The following ROBO2 variants were observed in gnomAD, a reference collection of about 807,000 sequenced individuals.
ROBO2 encodes the protein roundabout homolog 2.
A neutral mutation model predicts 160.8 loss-of-function variants in ROBO2; 53 were observed. That is an observed-to-expected ratio of 0.33 (90% CI 0.26 to 0.41). The LOEUF is 0.41. Ranked by LOEUF, ROBO2 falls within the 10% of genes least tolerant of loss-of-function variation. The probability of loss-of-function intolerance (pLI) is 1.00; values close to 1 mark genes in which losing one functional copy is unlikely to be tolerated. For synonymous variants in ROBO2, 664 were observed against 611.7 expected, an observed-to-expected ratio of 1.09 and a Z score of -1.26; for missense variants, 1,577 against 1,722.4, an observed-to-expected ratio of 0.92 and a Z score of 1.49.
intron 2 of ROBO2, among the ~76,000 whole-genome samples, chr3:76,577,088 C>A (rs985266388): frequency 6.6e-6 from 1 of 152,072 alleles, no homozygotes; most frequent in African/African-American, 2.4e-5. Flanking sequence ...GGGCAGATCT[C>A]TCCTGGCTGG....
intron 2 of ROBO2, among the ~76,000 whole-genome samples, chr3:76,138,964 G>A (rs1477276675): frequency 6.6e-6 from 1 of 152,100 alleles, no homozygotes; most frequent in East Asian, 1.9e-4. Flanking sequence ...TATGGAATTT[G>A]CTCCAAGAAT....
At chr3:76,669,024 G>A (rs67360455) in intron 2 of ROBO2, among the ~76,000 whole-genome samples, 1 of 151,804 alleles carries the variant, frequency 6.6e-6, no homozygotes, top group Non-Finnish European at 1.5e-5. Context: ...GCGAGAGAGG[G>A]GCATGCTTCT....
intron 2 of ROBO2, among the ~76,000 whole-genome samples, chr3:77,021,845 C>T (rs1477948928): frequency 1.3e-5 from 2 of 152,124 alleles, no homozygotes; most frequent in African/African-American, 2.4e-5. Flanking sequence ...TTGTCTTCTG[C>T]CTTCCACTGT....
intron 2 of ROBO2, among the ~76,000 whole-genome samples, chr3:77,235,413 C>T (rs983412148): frequency 8.7e-5 from 13 of 149,676 alleles, no homozygotes; most frequent in Admixed American, 5.4e-4. Flanking sequence ...AGTGCAGTGG[C>T]GCGATCTCGA....
intron 2 of ROBO2, among the ~76,000 whole-genome samples, chr3:76,679,944 G>T (rs1008651390): frequency 6.6e-6 from 1 of 152,026 alleles, no homozygotes; most frequent in African/African-American, 2.4e-5. Flanking sequence ...AGAGCCATTG[G>T]GATTAGAGAT....
intron 2 of ROBO2, among the ~76,000 whole-genome samples, chr3:76,120,402 A>G (rs1383247240): frequency 6.6e-6 from 1 of 152,288 alleles, no homozygotes; most frequent in African/African-American, 2.4e-5. Flanking sequence ...AGTAATACTT[A>G]CTTACTCTAC....
chr3:77,442,855 A>G (rs1024425229), intron 2 of ROBO2, among the ~76,000 whole-genome samples: 3 of 152,216 alleles, frequency 2.0e-5, no homozygotes, highest in African/African-American at 7.2e-5. Flanking sequence ...TGCAAGCCTT[A>G]CAGTGCTATA....
chr3:77,258,287 A>G lies in ROBO2; in HGVS notation c.388+159947A>G, dbSNP rs189124191. Among the ~76,000 whole-genome samples the G allele has an allele frequency of 9.2e-5, 14 of 152,368 alleles. No homozygotes were observed. The East Asian group carries it at 2.7e-3, about 29-fold the overall frequency. On this transcript the variant is annotated intron_variant, in intron 2 of 25. Transcript: ENST00000461745. ...AGCAAGATTACTGCTGGCTTAAGTT[A>G]TAACCAAAATAATGAGAAAATATAC...
chr3:76,958,153 C>G (rs1478696065), intron 2 of ROBO2, among the ~76,000 whole-genome samples: 1 of 152,186 alleles, frequency 6.6e-6, no homozygotes, highest in East Asian at 1.9e-4. Context: ...AGAGCTGCCT[C>G]GTTTCATTGC....
intron 2 of ROBO2, among the ~76,000 whole-genome samples, chr3:76,992,362 TATATA>T (rs1559812249): frequency 1.5e-5 from 1 of 68,758 alleles, no homozygotes; most frequent in African/African-American, 5.8e-5. Flanking sequence ...TATATATATA[TATATA>T]TAAATTTAGC....
At chr3:77,189,784 A>G (rs747803572) in intron 2 of ROBO2, among the ~76,000 whole-genome samples, 11 of 151,916 alleles carry the variant, frequency 7.2e-5, no homozygotes, top group Admixed American at 2.0e-4. Flanking sequence ...GTTAATATTT[A>G]TTGAATGCTT....
intron 2 of ROBO2, among the ~76,000 whole-genome samples, chr3:76,998,027 A>G (rs950323218): frequency 1.3e-5 from 2 of 152,144 alleles, no homozygotes; most frequent in Non-Finnish European, 2.9e-5. Flanking sequence ...AGAACAGTTC[A>G]ACATCACTTG....
At chr3:77,553,723 G>C (rs576370242) in intron 8 of ROBO2, among the ~76,000 whole-genome samples, 4 of 151,932 alleles carry the variant, frequency 2.6e-5, no homozygotes, top group Non-Finnish European at 4.4e-5. Context: ...CTAATCCAGA[G>C]CAAGGCCCTA....
In ROBO2 at chr3:76,892,979, C is replaced by G. The variant is rs565597354; in HGVS notation, c.110-205035C>G. 2.7e-4 allele frequency among the ~76,000 whole-genome samples: 41 copies of G among 152,278 alleles called. No individual in the cohort carries two copies. In the South Asian group the frequency reaches 8.3e-3, roughly 31 times the overall value. ...TTCAACCTACCTTCTTCTCTACCTG[C>G]CGATGTGGCCAACCTCCTACCTCAA... On this transcript the variant is annotated intron_variant, in intron 2 of 26. Coordinates refer to the ROBO2 transcript ENST00000487694.
At chr3:76,091,277 A>G (rs1482001014) in intron 2 of ROBO2, among the ~76,000 whole-genome samples, 2 of 152,222 alleles carry the variant, frequency 1.3e-5, no homozygotes. Context: ...AAAAGGCGTG[A>G]ACCGACACCT....
At chr3:76,899,105 G>A (rs2075035786) in intron 2 of ROBO2, among the ~76,000 whole-genome samples, 1 of 151,934 alleles carries the variant, frequency 6.6e-6, no homozygotes, top group Non-Finnish European at 1.5e-5. Context: ...TCTCCAAATG[G>A]AAAATCGCCT....
At chr3:77,039,403 G>T (rs767179904), upstream of ROBO2, among the ~76,000 whole-genome samples, 2 of 152,162 alleles carry the variant, frequency 1.3e-5, no homozygotes, top group East Asian at 3.9e-4. Context: ...AAGAAAGCGC[G>T]TGCAGCTCCG....
At chr3:75,959,669 AT>A (rs1948842921) in intron 2 of ROBO2, among the ~76,000 whole-genome samples, 1 of 151,768 alleles carries the variant, frequency 6.6e-6, no homozygotes, top group Admixed American at 6.6e-5. Flanking sequence ...TAAATATAAA[AT>A]TAAGTTTAGT....
rs192923274 is a variant in ROBO2 at position 75,933,225 on chromosome 3, G to A, written c.-13-4256G>A. ...ATCAATGTTAATAACTGGAACTCAA[G>A]AGCTGTAATGGGCTCTGCTGTGTTT... On this transcript the variant is annotated intron_variant, in intron 1 of 26. Coordinates refer to the ROBO2 transcript ENST00000487694. 2.6e-5 allele frequency among the ~76,000 whole-genome samples: 4 copies of A among 152,278 alleles called. No homozygotes were observed. In the East Asian group the frequency reaches 7.7e-4, roughly 29 times the overall value.
Sources: gnomAD v4.1 joint callset for allele counts (sites outside exome capture counted in the v4.1 genomes callset) on GRCh38, gnomAD v4.1.1 for gene constraint, MANE v1.5 for transcripts, NCBI Gene and HGNC (gene_info 2026-07-23, HGNC 2026-07-21) for gene names.